Variants in PTPRG observed in about 807,000 individuals in gnomAD.
PTPRG encodes the protein receptor-type tyrosine-protein phosphatase gamma.
In PTPRG, 102 loss-of-function variants were observed where a neutral mutation model predicts 165.3. That is an observed-to-expected ratio of 0.62 (90% CI 0.53 to 0.73). The LOEUF (loss-of-function observed/expected upper bound fraction) is 0.73, where lower values mean the gene tolerates loss of function less well. Among genes scored for constraint, PTPRG ranks in the 30% least tolerant of loss-of-function variants. The pLI is 0.00. For missense variants in PTPRG, 1,866 were observed against 1,861.4 expected (o/e 1.00, Z -0.05); for synonymous variants, 675 against 669.5 (o/e 1.01, Z -0.13).
In PTPRG at chr3:62,213,632, CT is replaced by C. The variant is rs1219833036; in HGVS notation, c.2156-5218del. On this transcript the variant is annotated intron_variant, in intron 12 of 29. Transcript: ENST00000474889. This position sits in a 1 kb window ranked among gnomAD's most constrained non-coding sequence, Gnocchi z 4.4. ...CCTAAGTCAAAATTTGTACTCAGGT[CT>C]GCCTGAGTCTGGGGTGCAGAATTGC... 1.3e-5 allele frequency among the ~76,000 whole-genome samples: 2 copies of C among 152,144 alleles called. No homozygotes were observed. The highest frequency in any genetic ancestry group is 2.9e-5 in the Non-Finnish European group (2 of 68,036).
intron 2 of PTPRG, among the ~76,000 whole-genome samples, chr3:61,812,843 T>C (rs2035628970): frequency 6.6e-6 from 1 of 152,242 alleles, no homozygotes; most frequent in Non-Finnish European, 1.5e-5. Context: ...TGTGAACAAC[T>C]GTCTTGCTGG....
intron 3 of PTPRG, among the ~76,000 whole-genome samples, chr3:61,998,269 G>A (rs1435318204): frequency 2.0e-5 from 3 of 152,140 alleles, no homozygotes; most frequent in Non-Finnish European, 2.9e-5. Flanking sequence ...TGCATAGCCT[G>A]GAGCGTCTTT....
At chr3:62,138,067 A>T (rs1703780107) in intron 6 of PTPRG, among the ~76,000 whole-genome samples, 1 of 152,148 alleles carries the variant, frequency 6.6e-6, no homozygotes, top group Non-Finnish European at 1.5e-5. Flanking sequence ...AACTTCTTAG[A>T]CCACTGCTGC....
At chr3:62,098,719 G>A (rs929685190) in intron 5 of PTPRG, among the ~76,000 whole-genome samples, 7 of 152,148 alleles carry the variant, frequency 4.6e-5, no homozygotes, top group African/African-American at 1.4e-4. Context: ...CTTTTCTTAG[G>A]TTTTATGAGT....
chr3:61,849,064 G>A (rs1351487349), intron 2 of PTPRG, among the ~76,000 whole-genome samples: 1 of 152,192 alleles, frequency 6.6e-6, no homozygotes, highest in East Asian at 1.9e-4. Context: ...AGTACACTGG[G>A]CCTTTTGCAG....
chr3:62,248,000 C>T (rs1297845812), intron 15 of PTPRG, among the ~76,000 whole-genome samples: 1 of 145,862 alleles, frequency 6.9e-6, no homozygotes, highest in Non-Finnish European at 1.5e-5. Context: ...ATAGCAAAGA[C>T]AGTGTTTTAA....
At chr3:61,955,139 T>A (rs2040001830) in intron 2 of PTPRG, among the ~76,000 whole-genome samples, 1 of 152,236 alleles carries the variant, frequency 6.6e-6, no homozygotes, top group African/African-American at 2.4e-5. Flanking sequence ...TACTGACTGC[T>A]TTGGATCTGT....
intron 2 of PTPRG, among the ~76,000 whole-genome samples, chr3:61,963,606 G>A (rs1336749210): frequency 6.6e-6 from 1 of 152,152 alleles, no homozygotes; most frequent in African/African-American, 2.4e-5. Flanking sequence ...TTTAAAGACA[G>A]TATTTTATTT....
intron 2 of PTPRG, among the ~76,000 whole-genome samples, chr3:61,985,383 G>A (rs1050821464): frequency 1.3e-5 from 2 of 152,186 alleles, no homozygotes; most frequent in Non-Finnish European, 2.9e-5. Context: ...TTCATCCATT[G>A]CCTAGTCAGT....
intron 1 of PTPRG, among the ~76,000 whole-genome samples, chr3:61,688,900 G>T (rs1038885486): frequency 3.3e-5 from 5 of 152,164 alleles, no homozygotes; most frequent in African/African-American, 4.8e-5. Flanking sequence ...GAACTGTCCT[G>T]CCCTGCTTCT....
At chr3:61,971,012 A>G (rs1171921332) in intron 2 of PTPRG, among the ~76,000 whole-genome samples, 1 of 152,144 alleles carries the variant, frequency 6.6e-6, no homozygotes, top group Admixed American at 6.6e-5. Context: ...TTGATGCCCC[A>G]GTGTGGTTTG....
chr3:61,762,376 C>T (rs955175243), intron 2 of PTPRG, among the ~76,000 whole-genome samples: 5 of 152,266 alleles, frequency 3.3e-5, no homozygotes, highest in South Asian at 4.1e-4. Context: ...CTTTGGGAGG[C>T]TGAGGCGGGT....
intron 2 of PTPRG, among the ~76,000 whole-genome samples, chr3:61,824,007 C>T (rs1032663974): frequency 2.0e-5 from 3 of 152,052 alleles, no homozygotes; most frequent in African/African-American, 7.2e-5. Flanking sequence ...GCCTGTAGTC[C>T]CAGCTACTCA....
chr3:61,607,743 G>T (rs1021197287), intron 1 of PTPRG, among the ~76,000 whole-genome samples: 16 of 152,166 alleles, frequency 1.1e-4, no homozygotes, highest in African/African-American at 3.9e-4. Context: ...ACTTTCTTCA[G>T]TGGGTCTCTG....
At chr3:62,236,906 A>T (rs1701046083) in intron 14 of PTPRG, among the ~76,000 whole-genome samples, 1 of 152,188 alleles carries the variant, frequency 6.6e-6, no homozygotes, top group African/African-American at 2.4e-5. Flanking sequence ...GTGTTGACCC[A>T]GATGTCTGTA....
chr3:62,271,105 G>A lies in PTPRG; in HGVS notation c.3010-278G>A, dbSNP rs1466232437. On this transcript the variant is annotated intron_variant, in intron 20 of 29. Transcript: ENST00000474889. The surrounding 1 kb of genome is among the most constrained non-coding windows in gnomAD (Gnocchi z 4.1). Reference sequence around the variant, plus strand: ...TTGCAGGAAAAGTACAAGTGCTTTGGATAGTTCCAAATCCAAAAAAAACTG... The same window carrying A: ...TTGCAGGAAAAGTACAAGTGCTTTGAATAGTTCCAAATCCAAAAAAAACTG... 6.6e-6 allele frequency among the ~76,000 whole-genome samples: 1 copy of A among 150,854 alleles called. No individual in the cohort carries two copies. The highest frequency in any genetic ancestry group is 1.5e-5 in the Non-Finnish European group (1 of 67,414).
intron 2 of PTPRG, among the ~76,000 whole-genome samples, chr3:61,903,667 C>T (rs563082959): frequency 6.6e-6 from 1 of 152,300 alleles, no homozygotes; most frequent in South Asian, 2.1e-4. Flanking sequence ...AGCCACCGTG[C>T]CCGGGCCTGG....
chr3:61,742,422 T>TTTTAACTGG, intron 1 of PTPRG: 1 of 1,316,848 alleles, frequency 7.6e-7, no homozygotes, highest in Non-Finnish European at 1.0e-6. Context: ...TTTTTTTTTT[T>TTTTAACTGG]TGAACTGGTA....
intron 4 of PTPRG, among the ~76,000 whole-genome samples, chr3:62,016,702 C>T (rs2041552077): frequency 6.6e-6 from 1 of 152,160 alleles, no homozygotes; most frequent in Non-Finnish European, 1.5e-5. Flanking sequence ...ATTTTTCCCT[C>T]ACTTAATATT....
Sources: allele counts gnomAD v4.1 joint callset (sites outside exome capture counted in the v4.1 genomes callset), GRCh38; gene constraint gnomAD v4.1.1; non-coding constraint Gnocchi (gnomAD v3.1); transcripts MANE v1.5; gene names NCBI Gene and HGNC (gene_info 2026-07-23, HGNC 2026-07-21).